LRRTM4: variants seen among roughly 807,000 people sequenced by gnomAD.
The protein encoded by LRRTM4 is leucine rich repeat transmembrane neuronal 4, also known as leucine-rich repeat transmembrane neuronal protein 4.
LRRTM4 carries 25 observed loss-of-function variants against 47.6 expected under a neutral mutation model. The ratio of observed to expected loss-of-function variants is 0.53; its 90% CI spans 0.38 to 0.73. LRRTM4 has a LOEUF of 0.73. Ranked by LOEUF, LRRTM4 falls within the 30% of genes least tolerant of loss-of-function variation. The pLI is 0.00. For missense variants in LRRTM4, 638 were observed against 713.4 expected, an observed-to-expected ratio of 0.89 and a Z score of 1.20; for synonymous variants, 311 against 269.5, an observed-to-expected ratio of 1.15 and a Z score of -1.51.
At chr2:76,913,191 A>C (rs1010577209) in intron 3 of LRRTM4, among the ~76,000 whole-genome samples, 2 of 152,176 alleles carry the variant, frequency 1.3e-5, no homozygotes, top group Admixed American at 6.5e-5. Flanking sequence ...ATTTGTTTGA[A>C]ATATTGTTAT....
chr2:77,046,740 GTA>G (rs1350777431), intron 3 of LRRTM4, among the ~76,000 whole-genome samples: 2 of 151,992 alleles, frequency 1.3e-5, no homozygotes, highest in African/African-American at 2.4e-5. Context: ...CTGTCCCATA[GTA>G]TAGTCACACA....
chr2:77,324,128 G>C (rs1670660868), intron 3 of LRRTM4, among the ~76,000 whole-genome samples: 1 of 152,018 alleles, frequency 6.6e-6, no homozygotes, highest in Non-Finnish European at 1.5e-5. Context: ...CATTTTTATA[G>C]AGCTCAGGCT....
rs115318180 is a variant in LRRTM4, at chr2:77,433,823, G to A, written c.1551+84495C>T. On this transcript the variant is annotated intron_variant, in intron 3 of 3. Transcript: ENST00000409884. ...ATGAGTAGATAAGGCTCTCTCCACC[G>A]ATCTTTGAGCTGGGGCATGAGAAAC... is the stretch of plus-strand genomic sequence containing the variant. Among the ~76,000 whole-genome samples the A allele has an allele frequency of 9.9e-3, 1,502 of 152,270 alleles. 28 individuals carry two copies. The highest frequency in any genetic ancestry group is 0.035 in the African/African-American group (1,441 of 41,554).
chr2:77,394,567 G>C (rs1673625339), intron 3 of LRRTM4, among the ~76,000 whole-genome samples: 1 of 152,018 alleles, frequency 6.6e-6, no homozygotes, highest in African/African-American at 2.4e-5. Flanking sequence ...GGCACTTCAA[G>C]CGATGTGAGG....
intron 3 of LRRTM4, among the ~76,000 whole-genome samples, chr2:77,421,287 T>A (rs1393475419): frequency 1.3e-5 from 2 of 152,184 alleles, no homozygotes; most frequent in Non-Finnish European, 2.9e-5. Context: ...GCTTTTCATA[T>A]ACAAATCTTA....
At chr2:77,110,061 C>T (rs1193610819) in intron 3 of LRRTM4, among the ~76,000 whole-genome samples, 1 of 152,182 alleles carries the variant, frequency 6.6e-6, no homozygotes, top group Admixed American at 6.5e-5. Flanking sequence ...AAATGTATGG[C>T]TTCACATTTC....
chr2:76,900,717 G>A (rs1337372274), intron 3 of LRRTM4, among the ~76,000 whole-genome samples: 2 of 152,098 alleles, frequency 1.3e-5, no homozygotes, highest in Non-Finnish European at 2.9e-5. Context: ...TAAAAATCGA[G>A]ATAATAGTTA....
chr2:77,470,435 G>A (rs1007953004), intron 3 of LRRTM4, among the ~76,000 whole-genome samples: 2 of 152,122 alleles, frequency 1.3e-5, no homozygotes, highest in Admixed American at 1.3e-4. Context: ...TGAAAAGGAA[G>A]ATATAAGAGT....
intron 3 of LRRTM4, among the ~76,000 whole-genome samples, chr2:77,409,305 T>C (rs77121867): frequency 0.052 from 7,961 of 152,230 alleles, 237 homozygotes; most frequent in South Asian, 0.11. Flanking sequence ...AATTCTATTT[T>C]CTTACGGTTC....
At chr2:76,954,928 A>AAAAAC (rs986518608) in intron 3 of LRRTM4, among the ~76,000 whole-genome samples, 1 of 151,796 alleles carries the variant, frequency 6.6e-6, no homozygotes, top group East Asian at 1.9e-4. Flanking sequence ...AAACAAAAAC[A>AAAAAC]AAAACAAAAC....
chr2:76,828,270 T>G (rs1375877347), intron 3 of LRRTM4, among the ~76,000 whole-genome samples: 1 of 151,868 alleles, frequency 6.6e-6, no homozygotes, highest in Non-Finnish European at 1.5e-5. Flanking sequence ...TGCAGTAAAG[T>G]AGGAAAGCTC....
intron 3 of LRRTM4, among the ~76,000 whole-genome samples, chr2:77,485,051 G>A (rs1677856029): frequency 6.6e-6 from 1 of 151,992 alleles, no homozygotes; most frequent in South Asian, 2.1e-4. Flanking sequence ...TCTCTTCAAT[G>A]AGTTATTTAC....
intron 3 of LRRTM4, among the ~76,000 whole-genome samples, chr2:77,432,456 G>C (rs923974315): frequency 6.6e-6 from 1 of 152,158 alleles, no homozygotes; most frequent in African/African-American, 2.4e-5. Flanking sequence ...ATTTTGTAAG[G>C]TATATCCTTT....
At chr2:77,130,842 TTTTTTTTTTTG>T (rs1453608851) in intron 3 of LRRTM4, among the ~76,000 whole-genome samples, 26 of 108,888 alleles carry the variant, frequency 2.4e-4, no homozygotes, top group African/African-American at 4.3e-4. Context: ...TTTTTTTTTT[TTTTTTTTTTTG>T]AGACGGAGTC....
intron 3 of LRRTM4, among the ~76,000 whole-genome samples, chr2:77,232,650 T>A (rs908853694): frequency 2.0e-5 from 3 of 152,214 alleles, no homozygotes; most frequent in African/African-American, 7.2e-5. Context: ...ATTTCCCTAT[T>A]ATTTTGCCAA....
At chr2:77,019,253 C>CAAAAAAAA (rs56028060) in intron 3 of LRRTM4, among the ~76,000 whole-genome samples, 15 of 80,504 alleles carry the variant, frequency 1.9e-4, no homozygotes, top group East Asian at 3.5e-4. Flanking sequence ...CACTGCTCTA[C>CAAAAAAAA]AAAAAAAAAA....
intron 3 of LRRTM4, among the ~76,000 whole-genome samples, chr2:77,013,710 T>C (rs1677957127): frequency 6.6e-6 from 1 of 152,272 alleles, no homozygotes; most frequent in South Asian, 2.1e-4. Flanking sequence ...CCAGTAAATT[T>C]ACACAATCTC....
At chr2:76,788,166 A>G (rs1321671030) in intron 3 of LRRTM4, among the ~76,000 whole-genome samples, 1 of 152,182 alleles carries the variant, frequency 6.6e-6, no homozygotes, top group Non-Finnish European at 1.5e-5. Flanking sequence ...AACCAAGTAA[A>G]TAAATAGTTC....
At chr2:77,369,080 C>A (rs1672561656) in intron 3 of LRRTM4, among the ~76,000 whole-genome samples, 1 of 151,566 alleles carries the variant, frequency 6.6e-6, no homozygotes, top group African/African-American at 2.4e-5. Flanking sequence ...ATTTGCATTA[C>A]CCTGAAAAAT....
Sources: gnomAD v4.1 joint callset for allele counts (sites outside exome capture counted in the v4.1 genomes callset) on GRCh38, gnomAD v4.1.1 for gene constraint, MANE v1.5 for transcripts, NCBI Gene and HGNC (gene_info 2026-07-23, HGNC 2026-07-21) for gene names.